Variants in DYM observed in about 807,000 individuals in gnomAD.
DYM encodes the protein dymeclin.
A neutral mutation model predicts 93.1 loss-of-function variants in DYM; 78 were observed. The observed-to-expected ratio is 0.84, with a 90% CI of 0.70 to 1.01. DYM has a LOEUF of 1.01. Ranked by LOEUF, DYM falls within the 50% of genes least tolerant of loss-of-function variation. The pLI is 0.00. For missense variants in DYM, 789 were observed against 845.0 expected (o/e 0.93, Z 0.82); for synonymous variants, 321 against 319.7 (o/e 1.00, Z -0.04).
At chr18:49,211,362 A>G (rs1200819161) in intron 13 of DYM, among the ~76,000 whole-genome samples, 1 of 152,224 alleles carries the variant, frequency 6.6e-6, no homozygotes, top group Non-Finnish European at 1.5e-5. Context: ...ATAGCAAGCT[A>G]GAGAGAAGAG....
At chr18:49,210,069 G>A (rs541591258) in intron 13 of DYM, among the ~76,000 whole-genome samples, 18 of 152,314 alleles carry the variant, frequency 1.2e-4, no homozygotes, top group East Asian at 9.6e-4. Flanking sequence ...AAATGCAGGC[G>A]AGGATGTGGA....
Position 49,430,300 on chromosome 18 carries a change from A to C in DYM, c.95T>G (p.Phe32Cys). ...AGAAAATGAGAGAAGCTGATTCCAG[A>C]ACGGGTCATTCTCAGAGATAGATTC... ...GTESISENDP[F>C]WNQLLSFSFP... The change falls in exon 2 of 18, where the codon TTC (phenylalanine) becomes TGC (cysteine). Residue 32 changes from phenylalanine to cysteine, a missense_variant. Transcript: ENST00000675505. 1.2e-6 allele frequency: 2 copies of C among 1,614,060 alleles called. No homozygotes were observed. Among genetic ancestry groups the C allele is most frequent in the Non-Finnish European group, 1.7e-6 (2 of 1,179,992 alleles).
chr18:49,246,525 A>G (rs1568095558), intron 13 of DYM, among the ~76,000 whole-genome samples: 5 of 150,732 alleles, frequency 3.3e-5, no homozygotes, highest in Non-Finnish European at 4.4e-5. Context: ...GTTCTGGGAA[A>G]AATACTAGGC....
chr18:49,363,537 A>G (rs1365330648), intron 5 of DYM, among the ~76,000 whole-genome samples: 1 of 152,206 alleles, frequency 6.6e-6, no homozygotes, highest in Non-Finnish European at 1.5e-5. Flanking sequence ...GTTTCTTTCA[A>G]TGAAATCTTA....
intron 13 of DYM, among the ~76,000 whole-genome samples, chr18:49,224,702 A>C (rs1223770992): frequency 1.3e-5 from 2 of 152,054 alleles, no homozygotes; most frequent in Non-Finnish European, 2.9e-5. Flanking sequence ...CTAGACACCA[A>C]ATCAGTCGGC....
At position 49,258,462 on chromosome 18, in the gene DYM, C is replaced by T. The variant is rs974700191; in HGVS notation, c.1283G>A (p.Arg428Gln). The T allele has an allele frequency of 4.3e-6, 7 of 1,612,392 alleles. No homozygotes were observed. The highest frequency in any genetic ancestry group is 1.3e-5 in the African/African-American group (1 of 74,886). Residue 428 changes from arginine (R) to glutamine (Q), a missense_variant, in exon 12 of 18, where the codon CGA (arginine) becomes CAA (glutamine). Physicochemically the swap from Arg to Gln is conservative, Grantham distance 43 (BLOSUM62 1). Coordinates refer to ENST00000675505, the MANE Select transcript of DYM (RefSeq NM_001353214.3). Reference sequence around the variant, plus strand: ...CCCCAAGGAGATTTCAGTTAAAACTCGTTCTGAATACCAAGTAATATTTTT... The same window carrying T: ...CCCCAAGGAGATTTCAGTTAAAACTTGTTCTGAATACCAAGTAATATTTTT... ...ILKNITWYSERVLTEISLGSL... is the reference protein window; with the variant it reads ...ILKNITWYSEQVLTEISLGSL...
At chr18:49,324,921 G>C (rs1421394118) in intron 8 of DYM, among the ~76,000 whole-genome samples, 2 of 152,140 alleles carry the variant, frequency 1.3e-5, no homozygotes, top group Non-Finnish European at 2.9e-5. Flanking sequence ...ATAAGGTAAT[G>C]AGATTTTAAA....
intron 1 of DYM, among the ~76,000 whole-genome samples, chr18:49,437,269 A>T (rs1325870107): frequency 2.0e-5 from 3 of 152,128 alleles, no homozygotes; most frequent in African/African-American, 7.2e-5. Context: ...TTTTAAACAA[A>T]CCATAGCATA....
chr18:49,283,546 G>A (rs1038663088), intron 9 of DYM, among the ~76,000 whole-genome samples: 1 of 151,804 alleles, frequency 6.6e-6, no homozygotes, highest in African/African-American at 2.4e-5. Flanking sequence ...AACTGGATTT[G>A]CTGAGAAACT....
chr18:49,159,043 A>G (rs1456875720), intron 15 of DYM, among the ~76,000 whole-genome samples: 2 of 152,184 alleles, frequency 1.3e-5, no homozygotes, highest in African/African-American at 4.8e-5. Flanking sequence ...AAAATTTAAA[A>G]AAGAATACTC....
chr18:49,280,958 T>G (rs990860170), intron 10 of DYM, among the ~76,000 whole-genome samples: 5 of 152,158 alleles, frequency 3.3e-5, no homozygotes, highest in Non-Finnish European at 5.9e-5. Context: ...AAATGGGATC[T>G]AATTAAACTA....
At chr18:49,296,082 C>T (rs2060525477) in intron 8 of DYM, among the ~76,000 whole-genome samples, 1 of 152,110 alleles carries the variant, frequency 6.6e-6, no homozygotes, top group Non-Finnish European at 1.5e-5. Flanking sequence ...GCAGGTGCCA[C>T]CACACCCAGC....
In DYM at chr18:49,216,187, C is replaced by T. The variant is rs368708743; in HGVS notation, c.1461-6472G>A. Among the ~76,000 whole-genome samples, 31 of 152,274 alleles carry T rather than the reference C, an allele frequency of 2.0e-4. No homozygotes were observed. In the South Asian group the frequency reaches 4.1e-3, roughly 20 times the overall value. ...CTGAGATCAAACTGCAAGGTGGCAG[C>T]GAGGCTGGGGGAGGGGCGCCCGCCA... On this transcript the variant is annotated intron_variant, in intron 13 of 17. Transcript: ENST00000675505.
chr18:49,301,705 C>G (rs191892158), intron 8 of DYM, among the ~76,000 whole-genome samples: 5 of 152,244 alleles, frequency 3.3e-5, no homozygotes, highest in Admixed American at 2.6e-4. Flanking sequence ...TACACTAACA[C>G]TAGTAGTCTC....
rs554368916 is a variant in DYM at position 49,316,273 on chromosome 18, C to T, written c.763+15591G>A. On this transcript the variant is annotated intron_variant, in intron 8 of 17. Coordinates refer to ENST00000675505, the MANE Select transcript of DYM (RefSeq NM_001353214.3). The stretch of plus-strand genomic sequence containing the variant: ...CTCCAGGCTGGGTGACAGAGTGAGA[C>T]GCAGTCACACACACACAAAAAAAAA... Among the ~76,000 whole-genome samples the T allele has an allele frequency of 3.9e-5, 6 of 152,034 alleles. No homozygotes were observed. The East Asian group carries it at 7.7e-4, about 20-fold the overall frequency.
chr18:49,373,544 TGCAACTTGTTTTATCA>T (rs1220291869), intron 5 of DYM, among the ~76,000 whole-genome samples: 1 of 152,128 alleles, frequency 6.6e-6, no homozygotes, highest in Non-Finnish European at 1.5e-5. Context: ...GCTCCTTCAC[TGCAACTTGTTTTATCA>T]GCAAGGTCTT....
chr18:49,096,248 T>A (rs1688786793), intron 17 of DYM, among the ~76,000 whole-genome samples: 1 of 152,238 alleles, frequency 6.6e-6, no homozygotes, highest in Admixed American at 6.5e-5. Flanking sequence ...ACATTTGCCA[T>A]CTTTGCACAG....
chr18:49,284,289 A>G (rs1008319043), intron 9 of DYM, among the ~76,000 whole-genome samples: 1 of 152,218 alleles, frequency 6.6e-6, no homozygotes, highest in African/African-American at 2.4e-5. Context: ...CAAACATGTC[A>G]TTATTCTGAT....
At chr18:49,296,663 T>C (rs1025224906) in intron 8 of DYM, among the ~76,000 whole-genome samples, 6 of 152,218 alleles carry the variant, frequency 3.9e-5, no homozygotes, top group African/African-American at 1.2e-4. Context: ...ATGGACTTTT[T>C]ACTAAATGTT....
Sources: gnomAD v4.1 joint callset for allele counts (sites outside exome capture counted in the v4.1 genomes callset) on GRCh38, gnomAD v4.1.1 for gene constraint, MANE v1.5 for transcripts, NCBI Gene and HGNC (gene_info 2026-07-23, HGNC 2026-07-21) for gene names.